GLYATL2: variants seen among roughly 807,000 people sequenced by gnomAD.
GLYATL2 encodes glycine-N-acyltransferase like 2.
GLYATL2 carries 25 observed loss-of-function variants against 21.4 expected under a neutral mutation model. That is an observed-to-expected ratio of 1.17 (90% CI 0.85 to 1.63). GLYATL2 has a LOEUF of 1.63. GLYATL2 is among the 40% of genes most tolerant of loss of function. GLYATL2 has a pLI of 0.00. For missense variants in GLYATL2, 361 were observed against 343.3 expected (o/e 1.05, Z -0.41); for synonymous variants, 114 against 118.2 (o/e 0.96, Z 0.23).
chr11:58,901,104 G>C (rs2134630087), intron 1 of GLYATL2, among the ~76,000 whole-genome samples: 1 of 152,312 alleles, frequency 6.6e-6, no homozygotes, highest in Middle Eastern at 3.4e-3. Flanking sequence ...GGTGCTAAAA[G>C]GGGGCTGCCT....
intron 1 of GLYATL2, among the ~76,000 whole-genome samples, chr11:58,894,476 C>CAAAAAA (rs1554980634): frequency 3.4e-4 from 40 of 116,452 alleles, no homozygotes; most frequent in East Asian, 7.6e-4. Flanking sequence ...GCAGCTATAG[C>CAAAAAA]AAAAAAAAAA....
intron 1 of GLYATL2, among the ~76,000 whole-genome samples, chr11:58,867,523 G>A (rs1236257247): frequency 6.7e-6 from 1 of 148,798 alleles, no homozygotes; most frequent in African/African-American, 2.4e-5. Context: ...AGTCCCAAAA[G>A]ATGGAAGAAC....
intron 1 of GLYATL2, among the ~76,000 whole-genome samples, chr11:58,889,696 T>A (rs951353231): frequency 4.6e-5 from 7 of 152,238 alleles, no homozygotes; most frequent in African/African-American, 1.4e-4. Context: ...TCAAAGCCAT[T>A]CTGGCCTTTC....
At chr11:58,888,776 A>G (rs1565107024) in intron 1 of GLYATL2, among the ~76,000 whole-genome samples, 1 of 151,910 alleles carries the variant, frequency 6.6e-6, no homozygotes, top group Non-Finnish European at 1.5e-5. Flanking sequence ...AATGTATGCA[A>G]TTGCATACAT....
At chr11:58,898,036 T>G (rs1854664256) in intron 1 of GLYATL2, among the ~76,000 whole-genome samples, 1 of 152,208 alleles carries the variant, frequency 6.6e-6, no homozygotes, top group South Asian at 2.1e-4. Flanking sequence ...ATCCATCAAG[T>G]TCTCTTATTA....
intron 1 of GLYATL2, among the ~76,000 whole-genome samples, chr11:58,839,945 G>A (rs2134573478): frequency 6.6e-6 from 1 of 152,250 alleles, no homozygotes; most frequent in East Asian, 1.9e-4. Context: ...AGAATATGGA[G>A]AGTGAATGCC....
intron 1 of GLYATL2, among the ~76,000 whole-genome samples, chr11:58,886,247 G>A (rs1854437540): frequency 6.6e-6 from 1 of 152,116 alleles, no homozygotes; most frequent in South Asian, 2.1e-4. Context: ...AGGAATCAGG[G>A]AAGGGACTCA....
chr11:58,889,517 T>A (rs1424860100), intron 1 of GLYATL2, among the ~76,000 whole-genome samples: 1 of 152,114 alleles, frequency 6.6e-6, no homozygotes, highest in Non-Finnish European at 1.5e-5. Flanking sequence ...TACATTTGAT[T>A]CTGTCTTTAC....
upstream of GLYATL2, chr11:58,907,973 G>A (rs1854945964): frequency 6.5e-6 from 1 of 152,856 alleles, no homozygotes; most frequent in Admixed American, 6.5e-5. Context: ...ATGAGCCTCA[G>A]AAATTGTTAC....
chr11:58,864,047 T>A (rs1853980450), intron 1 of GLYATL2, among the ~76,000 whole-genome samples: 1 of 152,094 alleles, frequency 6.6e-6, no homozygotes, highest in South Asian at 2.1e-4. Context: ...TTGGCCTGAA[T>A]CCTGGATTTT....
chr11:58,839,697 T>C, intron 1 of GLYATL2, 45 bp from the exon 2 acceptor site: 1 of 885,722 alleles, frequency 1.1e-6, no homozygotes, highest in Non-Finnish European at 1.8e-6. Context: ...AGAGATATGA[T>C]AGGTGTCCAG....
chr11:58,907,654 T>A, upstream of GLYATL2: 1 of 206,534 alleles, frequency 4.8e-6, no homozygotes, highest in Non-Finnish European at 1.0e-5. Context: ...TGGGTCATAT[T>A]TTTTCCACGT....
chr11:58,892,728 A>T, intron 1 of GLYATL2: 1 of 349,372 alleles, frequency 2.9e-6, no homozygotes, highest in South Asian at 7.2e-5. Context: ...AAGGTAGAGC[A>T]TTCAAGAGCA....
At chr11:58,878,834 A>T (rs990231667) in intron 1 of GLYATL2, among the ~76,000 whole-genome samples, 8 of 152,212 alleles carry the variant, frequency 5.3e-5, no homozygotes, top group Non-Finnish European at 8.8e-5. Context: ...AAATCTTACT[A>T]AAGATAACTT....
At chr11:58,898,573 G>A (rs546600209) in intron 1 of GLYATL2, among the ~76,000 whole-genome samples, 10 of 151,378 alleles carry the variant, frequency 6.6e-5, no homozygotes, top group African/African-American at 2.4e-4. Context: ...AGTGACTGAC[G>A]CCTGTAATCC....
intron 1 of GLYATL2, chr11:58,893,538 T>G (rs915637898): frequency 2.5e-5 from 4 of 159,396 alleles, no homozygotes; most frequent in African/African-American, 9.6e-5. Context: ...CTTTCTTCAC[T>G]TACAAATGTT....
At chr11:58,879,091 G>T (rs1360884019) in intron 1 of GLYATL2, among the ~76,000 whole-genome samples, 1 of 152,002 alleles carries the variant, frequency 6.6e-6, no homozygotes, top group East Asian at 1.9e-4. Context: ...GATAGCTGGT[G>T]GGACTGCTGG....
At chr11:58,894,299 G>C (rs1421490575) in intron 1 of GLYATL2, among the ~76,000 whole-genome samples, 1 of 152,072 alleles carries the variant, frequency 6.6e-6, no homozygotes, top group East Asian at 1.9e-4. Context: ...TCAGATGATG[G>C]AAAGGACACG....
At position 58,877,364 on chromosome 11, in the gene GLYATL2, C is replaced by A. The variant is rs143640657; in HGVS notation, n.60+26792G>T. 2.5e-3 allele frequency among the ~76,000 whole-genome samples: 383 copies of A among 152,334 alleles called. 5 individuals are homozygous for A. In the Middle Eastern group the frequency reaches 0.027, roughly 11 times the overall value. ...CAGAAATCATCCATCTTCTGTGTCG[C>A]TCACACTGGGAGCTGTAGACTGGAG... On this transcript the variant is annotated intron_variant and non_coding_transcript_variant, in intron 1 of 4. Coordinates refer to the GLYATL2 transcript ENST00000533636.
Sources: allele counts gnomAD v4.1 joint callset (sites outside exome capture counted in the v4.1 genomes callset), GRCh38; gene constraint gnomAD v4.1.1; transcripts MANE v1.5; gene names NCBI Gene and HGNC (gene_info 2026-07-23, HGNC 2026-07-21).